The following FBXW11 variants were observed in gnomAD, a reference collection of about 807,000 sequenced individuals.
FBXW11 encodes the protein F-box/WD repeat-containing protein 11.
A neutral mutation model predicts 77.6 loss-of-function variants in FBXW11; 19 were observed. That is an observed-to-expected ratio of 0.24 (90% CI 0.17 to 0.36). The LOEUF is 0.36. FBXW11 is among the 10% of genes least tolerant of loss of function. FBXW11 has a pLI of 1.00. For missense variants in FBXW11, 334 were observed against 704.2 expected (o/e 0.47, Z 5.95); for synonymous variants, 235 against 249.4 (o/e 0.94, Z 0.54).
At chr5:171,953,826 C>T (rs1362005702) in intron 2 of FBXW11, among the ~76,000 whole-genome samples, 2 of 152,106 alleles carry the variant, frequency 1.3e-5, no homozygotes, top group African/African-American at 4.8e-5. Context: ...ACCAAGCTAT[C>T]TCCCTCCTCT....
At chr5:171,886,935 C>G (rs1023616143) in intron 7 of FBXW11, among the ~76,000 whole-genome samples, 2 of 152,142 alleles carry the variant, frequency 1.3e-5, no homozygotes, top group Non-Finnish European at 2.9e-5. Context: ...GAATCGCTCA[C>G]TTGAACCCAG....
chr5:171,917,799 T>TG (rs1554100375), intron 2 of FBXW11, among the ~76,000 whole-genome samples: 7 of 150,778 alleles, frequency 4.6e-5, no homozygotes, highest in Admixed American at 4.0e-4. Flanking sequence ...TGTGTGTGTG[T>TG]AAATATATAT....
intron 1 of FBXW11, among the ~76,000 whole-genome samples, chr5:171,960,358 G>C (rs1228359208): frequency 6.6e-6 from 1 of 152,222 alleles, no homozygotes; most frequent in Non-Finnish European, 1.5e-5. Flanking sequence ...CTGGGCAACA[G>C]AGTGAGATCC....
intron 2 of FBXW11, among the ~76,000 whole-genome samples, chr5:171,930,943 A>G (rs1762161983): frequency 1.3e-5 from 2 of 152,082 alleles, no homozygotes; most frequent in Non-Finnish European, 2.9e-5. Context: ...ATAAACACCT[A>G]TAGATATAAT....
intron 7 of FBXW11, among the ~76,000 whole-genome samples, chr5:171,881,420 A>C (rs1334369709): frequency 6.6e-6 from 1 of 152,212 alleles, no homozygotes; most frequent in East Asian, 1.9e-4. Context: ...TTTATCACGA[A>C]AGAGTGTTCA....
intron 1 of FBXW11, among the ~76,000 whole-genome samples, chr5:171,995,708 G>T (rs980964791): frequency 6.6e-6 from 1 of 151,328 alleles, no homozygotes; most frequent in South Asian, 2.1e-4. Flanking sequence ...AGTGGAGATC[G>T]CGCCACTGCA....
At chr5:171,963,137 C>T (rs1478139355) in intron 1 of FBXW11, among the ~76,000 whole-genome samples, 1 of 151,960 alleles carries the variant, frequency 6.6e-6, no homozygotes, top group African/African-American at 2.4e-5. Context: ...TCTCTTTATT[C>T]TCCAGGAGCT....
intron 1 of FBXW11, among the ~76,000 whole-genome samples, chr5:171,993,404 G>T (rs1284259787): frequency 6.6e-6 from 1 of 152,092 alleles, no homozygotes; most frequent in Non-Finnish European, 1.5e-5. Flanking sequence ...ACAAGGTCAA[G>T]AGATCGAGAC....
At position 171,880,512 on chromosome 5, in the gene FBXW11, A is replaced by C. The variant is rs576543106; in HGVS notation, c.853-2383T>G. Among the ~76,000 whole-genome samples the C allele has an allele frequency of 2.0e-5, 3 of 152,306 alleles. No homozygotes were observed. In the East Asian group the frequency reaches 5.8e-4, roughly 29 times the overall value. ...GAGACTGCATTGAACCTACAGACCA[A>C]TTTGGGAAGAAATGACTGACATCCT... On this transcript the variant is annotated intron_variant, in intron 7 of 13. Transcript: ENST00000517395.
chr5:171,878,366 T>C (rs1267141461), intron 7 of FBXW11, among the ~76,000 whole-genome samples: 2 of 152,220 alleles, frequency 1.3e-5, no homozygotes, highest in Non-Finnish European at 2.9e-5. Context: ...GATCTCAGTA[T>C]ACTTATCAAC....
chr5:171,987,662 A>G (rs565560335), intron 1 of FBXW11, among the ~76,000 whole-genome samples: 2 of 152,218 alleles, frequency 1.3e-5, no homozygotes, highest in East Asian at 3.9e-4. Context: ...CATGTTGGTC[A>G]GTCTGGTCTC....
At chr5:171,959,829 G>A (rs1222480867) in intron 1 of FBXW11, among the ~76,000 whole-genome samples, 9 of 141,582 alleles carry the variant, frequency 6.4e-5, no homozygotes, top group East Asian at 2.0e-4. Context: ...CAGCCCAAGC[G>A]ACTGAGCGAG....
At chr5:171,962,797 G>A (rs957718839) in intron 1 of FBXW11, among the ~76,000 whole-genome samples, 3 of 152,014 alleles carry the variant, frequency 2.0e-5, no homozygotes, top group Non-Finnish European at 2.9e-5. Context: ...AGCTAACTTC[G>A]GTCTGTTTTT....
At chr5:171,909,719 G>A (rs6883971) in intron 4 of FBXW11, among the ~76,000 whole-genome samples, 54,840 of 152,090 alleles carry the variant, frequency 0.36, 11,630 homozygotes, top group Non-Finnish European at 0.47. Context: ...ACGTGCGCGC[G>A]TGCATGTACA....
Position 171,870,415 on chromosome 5 carries a change from AG to A in FBXW11, c.1451+332del, listed in dbSNP as rs1250773666. On this transcript the variant is annotated intron_variant, in intron 11 of 13. Coordinates refer to ENST00000517395, the MANE Select transcript of FBXW11 (RefSeq NM_001378974.1). ...CACACACACACACACACACACACAA[AG>A]AGCCTGGCTTAATTTAGGGATAAAG... Among the ~76,000 whole-genome samples, 1,452 of 151,930 alleles carry A rather than the reference AG, an allele frequency of 9.6e-3. 26 individuals are homozygous for A. Among genetic ancestry groups the A allele is most frequent in the African/African-American group, 0.033 (1,378 of 41,354 alleles).
chr5:171,986,435 G>A (rs781506450), intron 1 of FBXW11, among the ~76,000 whole-genome samples: 9 of 150,050 alleles, frequency 6.0e-5, no homozygotes, highest in African/African-American at 1.5e-4. Context: ...AATAAAATCC[G>A]TGTGGACCAG....
chr5:171,924,930 C>T (rs953262032), intron 2 of FBXW11, among the ~76,000 whole-genome samples: 8 of 152,078 alleles, frequency 5.3e-5, no homozygotes, highest in Non-Finnish European at 1.0e-4. Context: ...CAAGTGCCAC[C>T]GCATTCCCCC....
intron 2 of FBXW11, among the ~76,000 whole-genome samples, chr5:171,941,753 T>G (rs560771964): frequency 6.6e-6 from 1 of 151,560 alleles, no homozygotes; most frequent in Non-Finnish European, 1.5e-5. Context: ...CTTGTTTACA[T>G]TAATTATTAC....
intron 6 of FBXW11, among the ~76,000 whole-genome samples, chr5:171,896,330 G>T (rs913026508): frequency 4.6e-5 from 7 of 152,092 alleles, no homozygotes; most frequent in Admixed American, 1.3e-4. Flanking sequence ...GGGGAGGGAG[G>T]GGGGACATAA....
Sources: gnomAD v4.1 joint callset for allele counts (sites outside exome capture counted in the v4.1 genomes callset) on GRCh38, gnomAD v4.1.1 for gene constraint, MANE v1.5 for transcripts, NCBI Gene and HGNC (gene_info 2026-07-23, HGNC 2026-07-21) for gene names.